Variants in TBC1D22A observed in about 807,000 individuals in gnomAD.
The protein encoded by TBC1D22A is TBC1 domain family member 22A.
TBC1D22A carries 38 observed loss-of-function variants against 60.2 expected under a neutral mutation model. The ratio of observed to expected loss-of-function variants is 0.63; its 90% CI spans 0.49 to 0.83. The LOEUF (loss-of-function observed/expected upper bound fraction) is 0.83. TBC1D22A is among the 40% of genes least tolerant of loss of function. TBC1D22A has a pLI of 0.00. For missense variants in TBC1D22A, 628 were observed against 701.0 expected (o/e 0.90, Z 1.18); for synonymous variants, 302 against 281.7 (o/e 1.07, Z -0.72).
chr22:46,949,606 C>G (rs2072772752), intron 8 of TBC1D22A, among the ~76,000 whole-genome samples: 1 of 152,214 alleles, frequency 6.6e-6, no homozygotes, highest in Non-Finnish European at 1.5e-5. Context: ...GAATGGATCT[C>G]TTGTTAGCAA....
chr22:47,139,973 G>A (rs913181523), intron 12 of TBC1D22A, among the ~76,000 whole-genome samples: 3 of 152,208 alleles, frequency 2.0e-5, no homozygotes, highest in Non-Finnish European at 2.9e-5. Context: ...CTGTGGTCTT[G>A]TCTGCGCTCC....
intron 8 of TBC1D22A, among the ~76,000 whole-genome samples, chr22:46,947,305 C>T (rs926375067): frequency 3.3e-5 from 5 of 152,030 alleles, no homozygotes; most frequent in Admixed American, 2.6e-4. Flanking sequence ...TGTGTGAAGT[C>T]GAATGGCTAA....
chr22:46,952,865 C>T (rs922060242), intron 8 of TBC1D22A, among the ~76,000 whole-genome samples: 1 of 152,222 alleles, frequency 6.6e-6, no homozygotes, highest in South Asian at 2.1e-4. Context: ...ACCCCGTTGT[C>T]TCCTGCCTCT....
At chr22:47,012,530 A>T (rs2061782687) in intron 10 of TBC1D22A, among the ~76,000 whole-genome samples, 1 of 152,078 alleles carries the variant, frequency 6.6e-6, no homozygotes, top group Non-Finnish European at 1.5e-5. Flanking sequence ...TGGCCTTGTC[A>T]CTGGGGTCCT....
chr22:46,802,043 T>A (rs1162440003), intron 4 of TBC1D22A, among the ~76,000 whole-genome samples: 7 of 152,238 alleles, frequency 4.6e-5, no homozygotes, highest in Admixed American at 6.5e-5. Flanking sequence ...CTCAGTGTGA[T>A]GGCTGGCCGT....
chr22:46,908,296 G>T (rs567775131), intron 7 of TBC1D22A, among the ~76,000 whole-genome samples: 2 of 152,140 alleles, frequency 1.3e-5, no homozygotes, highest in African/African-American at 4.8e-5. Flanking sequence ...TGGTGATGGC[G>T]TGTGGGGTCC....
At chr22:46,976,829 A>T (rs1173649206) in intron 9 of TBC1D22A, among the ~76,000 whole-genome samples, 3 of 152,172 alleles carry the variant, frequency 2.0e-5, no homozygotes, top group Non-Finnish European at 2.9e-5. Context: ...GCTCTGTGGC[A>T]GCCGTCCACG....
intron 8 of TBC1D22A, among the ~76,000 whole-genome samples, chr22:46,948,211 C>T (rs2072671807): frequency 6.6e-6 from 1 of 152,156 alleles, no homozygotes; most frequent in South Asian, 2.1e-4. Flanking sequence ...AATCAAAGCC[C>T]CTTAAGCAGG....
At chr22:47,023,588 C>G (rs2062158098) in intron 10 of TBC1D22A, among the ~76,000 whole-genome samples, 1 of 152,176 alleles carries the variant, frequency 6.6e-6, no homozygotes, top group Non-Finnish European at 1.5e-5. Context: ...AAGAAAACAT[C>G]AGAAGCATCC....
chr22:47,166,843 A>G (rs1240752006), intron 12 of TBC1D22A, among the ~76,000 whole-genome samples: 1 of 152,228 alleles, frequency 6.6e-6, no homozygotes, highest in Non-Finnish European at 1.5e-5. Flanking sequence ...GCCGGGGTAC[A>G]GGTGGGAGCT....
intron 10 of TBC1D22A, among the ~76,000 whole-genome samples, chr22:47,011,267 G>C (rs2061744212): frequency 1.3e-5 from 2 of 152,110 alleles, no homozygotes. Flanking sequence ...TCTGCTCCAG[G>C]GTTTCCTTGG....
At position 47,075,115 on chromosome 22, in the gene TBC1D22A, C is replaced by T. The variant is rs180710058; in HGVS notation, c.1330-36393C>T. ...GCGGGCGCCTGTAGTCCCAGCTGCT[C>T]GGTAGGCTGAGGCAGGAGAATGGCG... On this transcript the variant is annotated intron_variant, in intron 11 of 12. Transcript: ENST00000337137. Among the ~76,000 whole-genome samples, 178 of 150,976 alleles carry T rather than the reference C, an allele frequency of 1.2e-3. 1 individual carries two copies. Among genetic ancestry groups the T allele is most frequent in the Middle Eastern group, 6.8e-3 (2 of 294 alleles).
chr22:46,876,063 T>C (rs2067547228), intron 4 of TBC1D22A, among the ~76,000 whole-genome samples: 1 of 152,184 alleles, frequency 6.6e-6, no homozygotes, highest in Admixed American at 6.5e-5. Context: ...GAGAGCTGCA[T>C]GGAATTTGAC....
At chr22:47,006,830 G>T (rs1397295396) in intron 10 of TBC1D22A, among the ~76,000 whole-genome samples, 1 of 152,154 alleles carries the variant, frequency 6.6e-6, no homozygotes. Flanking sequence ...CGCCTTCCCT[G>T]ACAGGCTGCT....
chr22:47,100,734 T>A (rs949504206), intron 11 of TBC1D22A, among the ~76,000 whole-genome samples: 9 of 152,214 alleles, frequency 5.9e-5, no homozygotes, highest in Non-Finnish European at 1.2e-4. Context: ...GTAAATCCGA[T>A]TAAACCTCTT....
In TBC1D22A at chr22:47,139,748, G is replaced by A. The variant is rs549304429; in HGVS notation, c.1425+28145G>A. ...GCCCAGGGCGCCTGGGCTGAGCTGC[G>A]CTCGCTAAGACCCAAGTTCAGGAGT... is the stretch of plus-strand genomic sequence containing the variant. On this transcript the variant is annotated intron_variant, in intron 12 of 12. Coordinates refer to ENST00000337137, the MANE Select transcript of TBC1D22A (RefSeq NM_014346.5). Among the ~76,000 whole-genome samples the A allele has an allele frequency of 4.6e-5, 7 of 152,350 alleles. No homozygotes were observed. The South Asian group carries it at 1.2e-3, about 27-fold the overall frequency.
At chr22:47,168,629 G>A (rs1371459528) in intron 12 of TBC1D22A, among the ~76,000 whole-genome samples, 1 of 152,118 alleles carries the variant, frequency 6.6e-6, no homozygotes, top group African/African-American at 2.4e-5. Flanking sequence ...TCAGCCCTGG[G>A]CCAGCCACTC....
At chr22:46,865,856 A>G (rs1011061426) in intron 4 of TBC1D22A, among the ~76,000 whole-genome samples, 4 of 152,230 alleles carry the variant, frequency 2.6e-5, no homozygotes, top group Admixed American at 2.0e-4. Flanking sequence ...CCTCTGAGTA[A>G]CAATGATAAG....
intron 1 of TBC1D22A, among the ~76,000 whole-genome samples, chr22:46,765,866 C>T (rs2083263943): frequency 6.6e-6 from 1 of 151,658 alleles, no homozygotes. Flanking sequence ...CTGCTACCTC[C>T]ACCTCCTGGG....
Sources: allele counts gnomAD v4.1 joint callset (sites outside exome capture counted in the v4.1 genomes callset), GRCh38; gene constraint gnomAD v4.1.1; transcripts MANE v1.5; gene names NCBI Gene and HGNC (gene_info 2026-07-23, HGNC 2026-07-21).